The following KCNH7 variants were observed in gnomAD, a reference collection of about 807,000 sequenced individuals.
KCNH7 encodes potassium voltage-gated channel subfamily H member 7, also known as voltage-gated inwardly rectifying potassium channel KCNH7.
Under a neutral mutation model 120.8 loss-of-function variants are expected in KCNH7, and 49 were observed. The ratio of observed to expected loss-of-function variants is 0.41; its 90% CI spans 0.32 to 0.51. KCNH7 has a LOEUF of 0.51. KCNH7 is among the 20% of genes least tolerant of loss of function. KCNH7 has a pLI of 0.38. For synonymous variants in KCNH7, 547 were observed against 516.1 expected, an observed-to-expected ratio of 1.06 and a Z score of -0.81; for missense variants, 1,097 against 1,446.6, an observed-to-expected ratio of 0.76 and a Z score of 3.92.
chr2:162,389,039 T>A (rs1686663549), intron 12 of KCNH7, among the ~76,000 whole-genome samples: 1 of 152,040 alleles, frequency 6.6e-6, no homozygotes, highest in Non-Finnish European at 1.5e-5. Context: ...TGCAGAACCA[T>A]CTGCGTCCAA....
chr2:162,591,090 C>T (rs887194682), intron 2 of KCNH7, among the ~76,000 whole-genome samples: 4 of 152,072 alleles, frequency 2.6e-5, no homozygotes, highest in African/African-American at 9.7e-5. Context: ...TCTTCGTTGG[C>T]TGTCTCCCTC....
chr2:162,804,814 A>G (rs1018573246), intron 2 of KCNH7, among the ~76,000 whole-genome samples: 2 of 151,960 alleles, frequency 1.3e-5, no homozygotes, highest in Non-Finnish European at 2.9e-5. Flanking sequence ...AGCAAAAAGA[A>G]CACATCTGGA....
intron 2 of KCNH7, among the ~76,000 whole-genome samples, chr2:162,639,881 G>T (rs1574206404): frequency 6.6e-6 from 1 of 152,064 alleles, no homozygotes; most frequent in Admixed American, 6.6e-5. Flanking sequence ...TAAGGGCACA[G>T]GAGACATATA....
At chr2:162,746,640 C>A (rs1211854250) in intron 2 of KCNH7, among the ~76,000 whole-genome samples, 1 of 152,020 alleles carries the variant, frequency 6.6e-6, no homozygotes, top group Admixed American at 6.6e-5. Flanking sequence ...TTAATGAAAT[C>A]TGCTGTAAAC....
rs188687854 is a variant in KCNH7, at chr2:162,587,527, A to T, written c.308-50447T>A. ...TCCTTATAGCATTTAGAATTTTTTT[A>T]AAAAAATATAAGATAGCAGAAGCAG... On this transcript the variant is annotated intron_variant, in intron 2 of 15. Transcript: ENST00000332142. Among the ~76,000 whole-genome samples, 57 of 152,142 alleles carry T rather than the reference A, an allele frequency of 3.7e-4. 1 individual carries two copies. The highest frequency in any genetic ancestry group is 2.7e-3 in the South Asian group (13 of 4,818).
chr2:162,831,720 C>G (rs1445511205), intron 2 of KCNH7, among the ~76,000 whole-genome samples: 1 of 152,184 alleles, frequency 6.6e-6, no homozygotes, highest in African/African-American at 2.4e-5. Flanking sequence ...CCAGTAAAAG[C>G]AAGTTTCTCC....
intron 14 of KCNH7, among the ~76,000 whole-genome samples, chr2:162,378,703 A>G (rs60605080): frequency 2.1e-4 from 32 of 152,362 alleles, no homozygotes; most frequent in African/African-American, 7.2e-4. Flanking sequence ...AACAACCGTC[A>G]TCCCAAAATG....
intron 2 of KCNH7, among the ~76,000 whole-genome samples, chr2:162,618,769 A>G (rs562441833): frequency 2.5e-4 from 38 of 152,292 alleles, no homozygotes; most frequent in African/African-American, 8.7e-4. Context: ...TTCGATATAC[A>G]CTAGAGAAGG....
intron 2 of KCNH7, among the ~76,000 whole-genome samples, chr2:162,587,969 C>T (rs1694073190): frequency 6.6e-6 from 1 of 152,128 alleles, no homozygotes; most frequent in African/African-American, 2.4e-5. Context: ...TCCCAGGAAA[C>T]AGCCTTATAT....
In KCNH7 at chr2:162,730,220, G is replaced by GA. The variant is rs1687678640; in HGVS notation, c.307+106316dup. 2.0e-5 allele frequency among the ~76,000 whole-genome samples: 3 copies of GA among 151,270 alleles called. No individual in the cohort carries two copies. The South Asian group carries it at 6.3e-4, about 32-fold the overall frequency. ...CAAAATATATCTAGTAAGAATACTA[G>GA]AAAGAATTAATAGAATGGAAAAGAG... is the stretch of plus-strand genomic sequence containing the variant. On this transcript the variant is annotated intron_variant, in intron 2 of 15. Coordinates refer to ENST00000332142, the MANE Select transcript of KCNH7 (RefSeq NM_033272.4).
chr2:162,373,711 T>C, intron 14 of KCNH7, 49 bp from the exon 15 acceptor site: 1 of 1,300,316 alleles, frequency 7.7e-7, no homozygotes, highest in South Asian at 2.3e-5. Context: ...TAGTCCAGAA[T>C]TTCAGGAGCA....
intron 1 of KCNH7, among the ~76,000 whole-genome samples, chr2:162,837,600 G>A (rs759777466): frequency 1.3e-5 from 2 of 152,018 alleles, no homozygotes; most frequent in African/African-American, 4.8e-5. Flanking sequence ...TGAAATAACC[G>A]CAAAATATAT....
Position 162,504,548 on chromosome 2 carries a change from C to CAAA in KCNH7, c.1022_1023insTTT (p.Glu341delinsAspLeu). ...ATGAATTCTTTTTCTCAGTTTTGAC[C>CAAA]TCTGAAAAATTCAGAGTGAGCTGTG... On this transcript the variant is annotated protein_altering_variant, in exon 6 of 16. Transcript: ENST00000332142. The CAAA allele has an allele frequency of 6.2e-7, 1 of 1,612,676 alleles. No individual in the cohort carries two copies.
chr2:162,575,979 G>A (rs1693656238), intron 2 of KCNH7, among the ~76,000 whole-genome samples: 1 of 152,044 alleles, frequency 6.6e-6, no homozygotes. Flanking sequence ...AGAAAATGGG[G>A]TTTTTCCATA....
At position 162,435,665 on chromosome 2, in the gene KCNH7, A is replaced by G. The variant is rs527559049; in HGVS notation, c.1555-68T>C. The G allele has an allele frequency of 2.1e-4, 304 of 1,464,728 alleles. 1 individual carries two copies. Among genetic ancestry groups the G allele is most frequent in the Non-Finnish European group, 2.6e-4 (288 of 1,096,662 alleles). 90.7% of individuals were successfully genotyped at this position (1,464,728 alleles called of 1,614,324 possible). A position where few individuals can be genotyped will look rare whatever the true frequency, so the allele number is the denominator to read the frequency against. On this transcript the variant is annotated intron_variant, in intron 7 of 15. Transcript: ENST00000332142. Reference sequence around the variant, plus strand: ...ATTCAAAGTACATTCATATGAAGCAAAGTGGACAAAAACAGGTTAAGACAA... The same window carrying G: ...ATTCAAAGTACATTCATATGAAGCAGAGTGGACAAAAACAGGTTAAGACAA...
At chr2:162,523,100 C>T (rs1232192453) in intron 3 of KCNH7, among the ~76,000 whole-genome samples, 10 of 151,832 alleles carry the variant, frequency 6.6e-5, no homozygotes, top group South Asian at 4.1e-4. Flanking sequence ...AGAAAATTCA[C>T]GTCAGGTTAG....
chr2:162,446,793 T>A (rs1001059964), intron 6 of KCNH7, among the ~76,000 whole-genome samples: 10 of 152,248 alleles, frequency 6.6e-5, no homozygotes, highest in Non-Finnish European at 1.3e-4. Flanking sequence ...AAAGTTGGTT[T>A]TGATATATTA....
At chr2:162,766,227 G>C (rs200954732) in intron 2 of KCNH7, among the ~76,000 whole-genome samples, 1 of 151,998 alleles carries the variant, frequency 6.6e-6, no homozygotes, top group Non-Finnish European at 1.5e-5. Flanking sequence ...GAAATTACCC[G>C]TGCCCCTTAT....
intron 2 of KCNH7, among the ~76,000 whole-genome samples, chr2:162,739,201 T>C (rs1234014035): frequency 6.6e-6 from 1 of 152,126 alleles, no homozygotes; most frequent in African/African-American, 2.4e-5. Flanking sequence ...AAACCTCCCT[T>C]GTATGCCTGT....
Sources: allele counts gnomAD v4.1 joint callset (sites outside exome capture counted in the v4.1 genomes callset), GRCh38; gene constraint gnomAD v4.1.1; transcripts MANE v1.5; gene names NCBI Gene and HGNC (gene_info 2026-07-23, HGNC 2026-07-21).